Variants in CALHM2 observed in about 807,000 individuals in gnomAD.
The protein encoded by CALHM2 is calcium homeostasis modulator protein 2.
A neutral mutation model predicts 20.4 loss-of-function variants in CALHM2; 18 were observed. The observed-to-expected ratio is 0.88, with a 90% CI of 0.61 to 1.31. The LOEUF (loss-of-function observed/expected upper bound fraction) is 1.31. Among genes scored for constraint, CALHM2 ranks in the 50% most tolerant of loss-of-function variants. The pLI, the probability that CALHM2 is intolerant of heterozygous loss-of-function variation, is 0.00. For missense variants in CALHM2, 411 were observed against 435.7 expected, an observed-to-expected ratio of 0.94 and a Z score of 0.50; for synonymous variants, 193 against 192.1, an observed-to-expected ratio of 1.00 and a Z score of -0.04.
In CALHM2 at chr10:103,449,779, G is replaced by C. The variant is rs777345333; in HGVS notation, c.163C>G (p.Leu55Val). The change falls in exon 3 of 4, where the codon CTG (leucine) becomes GTG (valine). Residue 55 changes from leucine to valine, a missense_variant. Transcript: ENST00000260743. ...HCPCSPARNY[L>V]YGLAAIGVPA... is the part of the protein sequence containing the mutation. ...ACGCCGATGGCCGCCAGCCCGTACA[G>C]GTAGTTCCGGGCCGGCGAGCAGGGG... 6.2e-7 allele frequency: 1 copy of C among 1,613,394 alleles called. No homozygotes were observed. Among genetic ancestry groups the C allele is most frequent in the African/African-American group, 1.3e-5 (1 of 74,948 alleles).
In CALHM2 at chr10:103,449,498, G is replaced by C. The variant is rs1187670674; in HGVS notation, c.444C>G (p.Phe148Leu). 1.2e-6 allele frequency: 2 copies of C among 1,613,388 alleles called. No homozygotes were observed. Among genetic ancestry groups the C allele is most frequent in the Non-Finnish European group, 8.5e-7 (1 of 1,180,024 alleles). ...GGATTTCAGTGGCGTGGGCTGATGGGAAGTGCTCTTCCCTGGCCGTGAGTG... is the reference window on the plus strand; with the variant it reads ...GGATTTCAGTGGCGTGGGCTGATGGCAAGTGCTCTTCCCTGGCCGTGAGTG... ...PSSLTAREEH[F>L]PSAHATEILA... Residue 148 changes from phenylalanine to leucine, a missense_variant, in exon 3 of 4, where the codon TTC (phenylalanine) becomes TTG (leucine). By Grantham distance (22) the Phe-to-Leu change is conservative. Transcript: ENST00000260743.
chr10:103,451,869 T>C (rs2033014219), intron 1 of CALHM2: 1 of 152,318 alleles, frequency 6.6e-6, no homozygotes, highest in Non-Finnish European at 1.5e-5. Context: ...CAAAGTGGGG[T>C]ACAAGATACC....
chr10:103,449,773 C>G lies in CALHM2; in HGVS notation c.169G>C (p.Gly57Arg). Residue 57 changes from glycine to arginine, a missense_variant, in exon 3 of 4, where the codon GGG becomes CGG. By Grantham distance (125) the Gly-to-Arg change is moderately radical. Transcript: ENST00000260743. ...PCSPARNYLY[G>R]LAAIGVPALV... ...GCGGGCACGCCGATGGCCGCCAGCC[C>G]GTACAGGTAGTTCCGGGCCGGCGAG... 1 of 1,613,482 alleles carries G rather than the reference C, an allele frequency of 6.2e-7. No homozygotes were observed. Among genetic ancestry groups the G allele is most frequent in the East Asian group, 2.2e-5 (1 of 44,886 alleles).
At chr10:103,450,279 C>G (rs2032916233) in intron 2 of CALHM2, 180 bp from the exon 3 acceptor site, 2 of 315,844 alleles carry the variant, frequency 6.3e-6, no homozygotes, top group Non-Finnish European at 1.2e-5. Context: ...CTCACAGTCC[C>G]ACGTTGAGCT....
chr10:103,448,092 G>T (rs937800417), intron 3 of CALHM2, among the ~76,000 whole-genome samples: 4 of 151,924 alleles, frequency 2.6e-5, no homozygotes, highest in Non-Finnish European at 4.4e-5. Context: ...CCATCTTCCC[G>T]CTCTGGTGCT....
intron 3 of CALHM2, 165 bp downstream of exon 3, chr10:103,449,222 C>G (rs754225385): frequency 8.8e-5 from 61 of 694,510 alleles, no homozygotes; most frequent in Middle Eastern, 3.9e-4. Context: ...GGAACTGGCC[C>G]TTGCCCCACC....
intron 3 of CALHM2, among the ~76,000 whole-genome samples, chr10:103,447,805 C>T (rs1235032824): frequency 1.3e-5 from 2 of 152,226 alleles, no homozygotes; most frequent in East Asian, 3.8e-4. Context: ...GCCATCATCT[C>T]AGGCCATCAA....
At chr10:103,450,227 A>G in intron 2 of CALHM2, 128 bp from the exon 3 acceptor site, 1 of 481,066 alleles carries the variant, frequency 2.1e-6, no homozygotes, top group Middle Eastern at 5.7e-4. Context: ...GCCACTGTTC[A>G]CTGAGTTCCT....
Position 103,450,109 on chromosome 10 carries a change from A to G in CALHM2, c.-158-10T>C, listed in dbSNP as rs2032907675. On this transcript the variant is annotated splice_polypyrimidine_tract_variant and intron_variant, in intron 2 of 3. Transcript: ENST00000260743. ...GTTGGCCTGGTGTTTCCTGTGGAGCAGATGACCGATAAGTGTTTCCCTCTG... is the reference window on the plus strand; with the variant it reads ...GTTGGCCTGGTGTTTCCTGTGGAGCGGATGACCGATAAGTGTTTCCCTCTG... The G allele has an allele frequency of 1.6e-6, 1 of 624,632 alleles. No individual in the cohort carries two copies. Among genetic ancestry groups the G allele is most frequent in the Non-Finnish European group, 2.8e-6 (1 of 356,642 alleles). The allele number at this position is 624,632 out of a possible 1,614,324, so 38.7% of individuals were successfully genotyped here. A position where few individuals can be genotyped will look rare whatever the true frequency, so the allele number is the denominator to read the frequency against.
Position 103,449,397 on chromosome 10 carries a change from T to C in CALHM2, c.545A>G (p.Tyr182Cys). 2 of 1,612,712 alleles carry C rather than the reference T, an allele frequency of 1.2e-6. No individual in the cohort carries two copies. The highest frequency in any genetic ancestry group is 2.2e-5 in the East Asian group (1 of 44,870). The change falls in exon 3 of 4, where the codon TAT becomes TGT. Residue 182 changes from tyrosine to cysteine, a missense_variant. Tyr to Cys is a radical substitution (Grantham distance 194). Coordinates refer to ENST00000260743, the MANE Select transcript of CALHM2 (RefSeq NM_015916.5). ...TGCACAGCTCCTTACCTGGGACTCA[T>C]ACCTGAGCCTGCGGCTGACCTCCTC... ...FREEVSRRLR[Y>C]ESQLFGWLLI... is the part of the protein sequence containing the mutation.
intron 1 of CALHM2, chr10:103,451,656 G>GGAC (rs1164909789): frequency 4.1e-5 from 6 of 148,082 alleles, no homozygotes; most frequent in Admixed American, 1.4e-4. Context: ...AGGAGGAGGA[G>GGAC]GAGGAGGAGG....
At chr10:103,450,449 G>A (rs1326132752) in intron 2 of CALHM2, 1 of 179,688 alleles carries the variant, frequency 5.6e-6, no homozygotes, top group Non-Finnish European at 1.2e-5. Context: ...TAGGGCTTGG[G>A]GGTGGCCCAT....
chr10:103,449,669 G>C lies in CALHM2; in HGVS notation c.273C>G (p.Thr91=). ...NLVAECQHRR[T]KNCSAAPTFL... is the part of the protein sequence containing the mutation. ...AGGTGGGGGCGGCGGAGCAGTTCTT[G>C]GTCCTCCGGTGCTGGCACTCGGCCA... Residue 91 remains threonine, a synonymous_variant, in exon 3 of 4, where the codon ACC becomes ACG. Coordinates refer to ENST00000260743, the MANE Select transcript of CALHM2 (RefSeq NM_015916.5). The C allele has an allele frequency of 6.2e-7, 1 of 1,613,860 alleles. No homozygotes were observed. Among genetic ancestry groups the C allele is most frequent in the Non-Finnish European group, 8.5e-7 (1 of 1,180,048 alleles).
Position 103,449,517 on chromosome 10 carries a change from G to C in CALHM2, c.425C>G (p.Thr142Arg), listed in dbSNP as rs755514193. Residue 142 changes from threonine (T) to arginine (R), a missense_variant, in exon 3 of 4, where the codon ACG (threonine) becomes AGG (arginine). By Grantham distance (71) the Thr-to-Arg change is moderately conservative (BLOSUM62 -1). Transcript: ENST00000260743. Reference protein sequence around the residue: ...LSEFVDPSSLTAREEHFPSAH... With the variant: ...LSEFVDPSSLRAREEHFPSAH... ...TGATGGGAAGTGCTCTTCCCTGGCC[G>C]TGAGTGAGGAAGGGTCCACGAACTC... The C allele has an allele frequency of 3.7e-6, 6 of 1,613,606 alleles. No individual in the cohort carries two copies. Among genetic ancestry groups the C allele is most frequent in the Non-Finnish European group, 5.1e-6 (6 of 1,180,014 alleles).
chr10:103,447,492 G>A lies in CALHM2; in HGVS notation c.632C>T (p.Pro211Leu), dbSNP rs146181513. The A allele has an allele frequency of 1.5e-4, 240 of 1,613,800 alleles. 1 individual carries two copies. The African/African-American group carries it at 2.6e-3, about 18-fold the overall frequency. The stretch of plus-strand genomic sequence containing the variant: ...GTAGGCCTCCTGGCGGTAGCTGAGT[G>A]GTGAGCAGTAATGCTTGAGGCACTT... Reference protein sequence around the residue: ...LTKCLKHYCSPLSYRQEAYWA... With the variant: ...LTKCLKHYCSLLSYRQEAYWA... Residue 211 changes from proline to leucine, a missense_variant, in exon 4 of 4, where the codon CCA becomes CTA. Coordinates refer to ENST00000260743, the MANE Select transcript of CALHM2 (RefSeq NM_015916.5).
chr10:103,449,582 G>A lies in CALHM2; in HGVS notation c.360C>T (p.Ile120=), dbSNP rs1460589082. 6.2e-7 allele frequency: 1 copy of A among 1,613,784 alleles called. No homozygotes were observed. Among genetic ancestry groups the A allele is most frequent in the African/African-American group, 1.3e-5 (1 of 74,946 alleles). Residue 120 remains isoleucine, a synonymous_variant, in exon 3 of 4, where the codon ATC becomes ATT. Transcript: ENST00000260743. The part of the protein sequence containing the change: ...AAVAPVTWSV[I]SLLRGEAYVC... ...CATAAGCCTCACCACGCAGCAGGGA[G>A]ATGACAGACCAGGTGACAGGGGCCA... is the stretch of plus-strand genomic sequence containing the variant.
chr10:103,449,959 G>A lies in CALHM2; in HGVS notation c.-18C>T. The A allele has an allele frequency of 6.3e-7, 1 of 1,599,962 alleles. No individual in the cohort carries two copies. Among genetic ancestry groups the A allele is most frequent in the Non-Finnish European group, 8.5e-7 (1 of 1,171,494 alleles). On this transcript the variant is annotated 5_prime_UTR_variant, in exon 3 of 4. Coordinates refer to ENST00000260743, the MANE Select transcript of CALHM2 (RefSeq NM_015916.5). Reference sequence around the variant, plus strand: ...GCTGCCATGGCGATAGTCGTGGCGGGGTGGATTGCAGGAGAGGAGGCAGGA... The same window carrying A: ...GCTGCCATGGCGATAGTCGTGGCGGAGTGGATTGCAGGAGAGGAGGCAGGA...
Position 103,447,272 on chromosome 10 carries a change from G to T in CALHM2, c.852C>A (p.Val284=), listed in dbSNP as rs972346515. 8 of 1,614,164 alleles carry T rather than the reference G, an allele frequency of 5.0e-6. No individual in the cohort carries two copies. In the Admixed American group the frequency reaches 8.3e-5, roughly 17 times the overall value. Residue 284 remains valine, a synonymous_variant, in exon 4 of 4, where the codon GTC becomes GTA. Coordinates refer to ENST00000260743, the MANE Select transcript of CALHM2 (RefSeq NM_015916.5). The part of the protein sequence containing the change: ...PRPQWNAITG[V]YLYRENQGLP... Reference sequence around the variant, plus strand: ...GGCCCTGGTTCTCACGGTACAAGTAGACGCCGGTGATGGCATTCCACTGTG... The same window carrying T: ...GGCCCTGGTTCTCACGGTACAAGTATACGCCGGTGATGGCATTCCACTGTG...
In CALHM2 at chr10:103,447,544, C is replaced by G; in HGVS notation, c.580G>C (p.Val194Leu). 6.2e-7 allele frequency: 1 copy of G among 1,600,044 alleles called. No individual in the cohort carries two copies. The highest frequency in any genetic ancestry group is 8.5e-7 in the Non-Finnish European group (1 of 1,171,188). Reference protein sequence around the residue: ...SQLFGWLLIGVVAILVFLTKC... With the variant: ...SQLFGWLLIGLVAILVFLTKC... Reference sequence around the variant, plus strand: ...GTCAGGAACACCAGGATGGCCACCACGCCGATGAGCAGCCATCCAAAGAGC... The same window carrying G: ...GTCAGGAACACCAGGATGGCCACCAGGCCGATGAGCAGCCATCCAAAGAGC... Residue 194 changes from valine to leucine, a missense_variant, in exon 4 of 4, where the codon GTG becomes CTG. Transcript: ENST00000260743.
Sources: allele counts gnomAD v4.1 joint callset (sites outside exome capture counted in the v4.1 genomes callset), GRCh38; gene constraint gnomAD v4.1.1; transcripts MANE v1.5; gene names NCBI Gene and HGNC (gene_info 2026-07-23, HGNC 2026-07-21).